SRSF1: variants seen among roughly 807,000 people sequenced by gnomAD.
The protein encoded by SRSF1 is serine and arginine rich splicing factor 1.
SRSF1 carries 1 observed loss-of-function variant against 25.9 expected under a neutral mutation model. That is an observed-to-expected ratio of 0.04 (90% CI 0.01 to 0.18). SRSF1 has a LOEUF of 0.18. SRSF1 is among the 10% of genes least tolerant of loss of function. The pLI, the probability that SRSF1 is intolerant of heterozygous loss-of-function variation, is 1.00. For missense variants in SRSF1, 65 were observed against 350.5 expected (o/e 0.19, Z 6.50); for synonymous variants, 132 against 126.2 (o/e 1.05, Z -0.31).
At chr17:58,006,010 T>A (rs763747615) in intron 2 of SRSF1, 37 bp from the exon 3 acceptor site, 1 of 1,583,306 alleles carries the variant, frequency 6.3e-7, no homozygotes, top group Non-Finnish European at 8.6e-7. Flanking sequence ...GTACCAATTA[T>A]CTTAAATTTC....
Position 58,007,214 on chromosome 17 carries a change from G to C in SRSF1, c.-77C>G. The C allele has an allele frequency of 1.3e-6, 2 of 1,545,240 alleles. No individual in the cohort carries two copies. Among genetic ancestry groups the C allele is most frequent in the Admixed American group, 1.7e-5 (1 of 57,166 alleles). ...CGCACGGCAGAGCGAGCCCGCAGCG[G>C]CACCACGTCTCCCGCGGCCCCTCCA... On this transcript the variant is annotated 5_prime_UTR_variant, in exon 1 of 4. Transcript: ENST00000258962.
rs1189720939 is a variant in SRSF1, at chr17:58,003,153, CTA to C, written c.*2251_*2252del. Among the ~76,000 whole-genome samples the C allele has an allele frequency of 1.1e-4, 16 of 152,258 alleles. No individual in the cohort carries two copies. Among genetic ancestry groups the C allele is most frequent in the African/African-American group, 3.6e-4 (15 of 41,546 alleles). On this transcript the variant is annotated 3_prime_UTR_variant, in exon 4 of 4. Transcript: ENST00000258962. ...CCATCAACCAATTTTGCACAAAAGCCTATGTTGTCTATGACCACCAGAAAATA... is the reference window on the plus strand; with the variant it reads ...CCATCAACCAATTTTGCACAAAAGCCTGTTGTCTATGACCACCAGAAAATA...
downstream of SRSF1, among the ~76,000 whole-genome samples, chr17:57,999,098 A>G (rs888551984): frequency 1.4e-4 from 22 of 152,300 alleles, no homozygotes; most frequent in African/African-American, 4.8e-4. Flanking sequence ...TGACTTTTTG[A>G]TCACAAGACA....
intron 2 of SRSF1, 162 bp downstream of exon 2, chr17:58,006,180 TA>T (rs1465874663): frequency 1.9e-6 from 2 of 1,040,572 alleles, no homozygotes; most frequent in Non-Finnish European, 2.8e-6. Flanking sequence ...CCTAATTTGG[TA>T]AATCACCACA....
chr17:58,003,307 T>C lies in SRSF1; in HGVS notation c.*2099A>G, dbSNP rs1434863200. Reference sequence around the variant, plus strand: ...CAAATGCCTTATTCTCCCCTTTTGCTTTCCCCTGAAGACTTTTACAATTAA... The same window carrying C: ...CAAATGCCTTATTCTCCCCTTTTGCCTTCCCCTGAAGACTTTTACAATTAA... On this transcript the variant is annotated 3_prime_UTR_variant, in exon 4 of 4. Transcript: ENST00000258962. The C allele has an allele frequency of 6.6e-6, 1 of 152,244 alleles. No individual in the cohort carries two copies. Among genetic ancestry groups the C allele is most frequent in the Non-Finnish European group, 1.5e-5 (1 of 68,044 alleles). The allele number at this position is 152,244 out of a possible 1,614,324, so 9.4% of individuals were successfully genotyped here.
downstream of SRSF1, among the ~76,000 whole-genome samples, chr17:57,996,369 T>A (rs797005835): frequency 1.9e-4 from 29 of 150,674 alleles, no homozygotes; most frequent in African/African-American, 6.8e-4. Context: ...CTGTAATCCC[T>A]GCTACTTGGG....
In SRSF1 at chr17:58,004,743, A is replaced by C. The variant is rs184944409; in HGVS notation, c.*663T>G. 149 of 380,834 alleles carry C rather than the reference A, an allele frequency of 3.9e-4. No homozygotes were observed. The highest frequency in any genetic ancestry group is 6.0e-4 in the Non-Finnish European group (129 of 215,054). The allele number at this position is 380,834 out of a possible 1,614,324, so 23.6% of individuals were successfully genotyped here. ...CAAAATAAGTTGCTACAAAATGGGC[A>C]ATATAATTTTGCCACAATTGCCAAG... On this transcript the variant is annotated 3_prime_UTR_variant, in exon 4 of 4. Coordinates refer to ENST00000258962, the MANE Select transcript of SRSF1 (RefSeq NM_006924.5).
chr17:57,991,701 C>T, the SRSF1 span: 1 of 151,546 alleles, frequency 6.6e-6, no homozygotes, highest in Non-Finnish European at 1.5e-5. Context: ...GTTATCTCCT[C>T]ACTGCCTGAA....
the SRSF1 span, chr17:57,993,898 G>A: frequency 6.6e-6 from 1 of 152,218 alleles, no homozygotes; most frequent in Non-Finnish European, 1.5e-5. Flanking sequence ...TATTTCTGCA[G>A]CTTCCTCTTT....
the SRSF1 span, chr17:57,993,222 C>T: frequency 6.6e-6 from 1 of 152,106 alleles, no homozygotes; most frequent in Non-Finnish European, 1.5e-5. Context: ...AACCCTGTCT[C>T]TACTAAAAAA....
At chr17:57,989,167 A>G in the SRSF1 span, 1 of 398,642 alleles carries the variant, frequency 2.5e-6, no homozygotes, top group Non-Finnish European at 4.4e-6. Context: ...TGCAGTTCCA[A>G]GTCTTCCGTG....
At position 58,001,476 on chromosome 17, in the gene SRSF1, A is replaced by G. The variant is rs969415026; in HGVS notation, c.*3930T>C. Among the ~76,000 whole-genome samples the G allele has an allele frequency of 2.6e-5, 4 of 152,144 alleles. No homozygotes were observed. The highest frequency in any genetic ancestry group is 1.5e-5 in the Non-Finnish European group (1 of 67,996). On this transcript the variant is annotated 3_prime_UTR_variant, in exon 4 of 4. Coordinates refer to ENST00000258962, the MANE Select transcript of SRSF1 (RefSeq NM_006924.5). The stretch of plus-strand genomic sequence containing the variant: ...GACCCAAACAATCAAGAACCAGAAA[A>G]TGGGTTTCTTACCTTTTGTTTCCAG...
chr17:57,997,432 A>T (rs768051343), downstream of SRSF1, among the ~76,000 whole-genome samples: 2 of 152,176 alleles, frequency 1.3e-5, no homozygotes, highest in Non-Finnish European at 2.9e-5. Flanking sequence ...TAAAACTGTC[A>T]GCACTGCATT....
chr17:57,998,798 G>A (rs900379112), downstream of SRSF1, among the ~76,000 whole-genome samples: 3 of 152,108 alleles, frequency 2.0e-5, no homozygotes, highest in African/African-American at 7.2e-5. Context: ...AGTCCACTTT[G>A]TCCACTTTTA....
At chr17:57,998,980 T>C (rs1379978744), downstream of SRSF1, among the ~76,000 whole-genome samples, 2 of 152,168 alleles carry the variant, frequency 1.3e-5, no homozygotes, top group Non-Finnish European at 2.9e-5. Context: ...TTTCCATTTT[T>C]TATAAAAGAA....
In SRSF1 at chr17:58,001,478, G is replaced by T. The variant is rs1205383311; in HGVS notation, c.*3928C>A. ...CCCAAACAATCAAGAACCAGAAAAT[G>T]GGTTTCTTACCTTTTGTTTCCAGTA... On this transcript the variant is annotated 3_prime_UTR_variant, in exon 4 of 4. Transcript: ENST00000258962. 6.6e-6 allele frequency among the ~76,000 whole-genome samples: 1 copy of T among 152,142 alleles called. No individual in the cohort carries two copies. The highest frequency in any genetic ancestry group is 1.9e-4 in the East Asian group (1 of 5,204).
At chr17:57,991,037 G>A in the SRSF1 span, 47 of 152,228 alleles carry the variant, frequency 3.1e-4, no homozygotes, top group Admixed American at 2.9e-3. Context: ...TGGTGTTATC[G>A]AGTGGTTCTA....
rs1389265063 is a variant in SRSF1 at position 58,005,756 on chromosome 17, C to G, written c.552+45G>C. 6.2e-7 allele frequency: 1 copy of G among 1,614,156 alleles called. No individual in the cohort carries two copies. Among genetic ancestry groups the G allele is most frequent in the Admixed American group, 1.7e-5 (1 of 60,026 alleles). Reference sequence around the variant, plus strand: ...CCTTGAAATTCCACTGTTAAGACCACTGTATCCAATTCTGGTCAAAGAAAA... The same window carrying G: ...CCTTGAAATTCCACTGTTAAGACCAGTGTATCCAATTCTGGTCAAAGAAAA... On this transcript the variant is annotated intron_variant, in intron 3 of 3. Coordinates refer to ENST00000258962, the MANE Select transcript of SRSF1 (RefSeq NM_006924.5). This position sits in a 1 kb window ranked among gnomAD's most constrained non-coding sequence, Gnocchi z 5.2.
the SRSF1 span, chr17:57,989,980 T>G: frequency 8.0e-6 from 3 of 376,988 alleles, no homozygotes; most frequent in Non-Finnish European, 1.4e-5. Context: ...ATTCAGTGGA[T>G]AGCAAATCTG....
Sources: allele counts gnomAD v4.1 joint callset (sites outside exome capture counted in the v4.1 genomes callset), GRCh38; gene constraint gnomAD v4.1.1; non-coding constraint Gnocchi (gnomAD v3.1); transcripts MANE v1.5; gene names NCBI Gene and HGNC (gene_info 2026-07-23, HGNC 2026-07-21).